QTRT2: variants seen among roughly 807,000 people sequenced by gnomAD.
QTRT2 encodes the protein queuine tRNA-ribosyltransferase domain containing 1.
QTRT2 carries 32 observed loss-of-function variants against 44.8 expected under a neutral mutation model. The observed-to-expected ratio is 0.71, with a 90% CI of 0.54 to 0.96. The LOEUF (loss-of-function observed/expected upper bound fraction) is 0.96, where lower values mean the gene tolerates loss of function less well. Ranked by LOEUF, QTRT2 falls within the 40% of genes least tolerant of loss-of-function variation. QTRT2 has a pLI of 0.00. For synonymous variants in QTRT2, 182 were observed against 187.4 expected, an observed-to-expected ratio of 0.97 and a Z score of 0.24; for missense variants, 461 against 503.1, an observed-to-expected ratio of 0.92 and a Z score of 0.80.
chr3:114,057,524 A>G (rs1006913491), intron 2 of QTRT2: 1 of 152,256 alleles, frequency 6.6e-6, no homozygotes, highest in South Asian at 2.1e-4. Context: ...AAATGAAGTT[A>G]GGGAAGCTAT....
chr3:114,066,572 G>A, intron 4 of QTRT2: 1 of 357,692 alleles, frequency 2.8e-6, no homozygotes, highest in Admixed American at 3.9e-5. Context: ...AGGCCAGAGG[G>A]CAGAGCATAT....
intron 2 of QTRT2, among the ~76,000 whole-genome samples, chr3:114,058,826 C>T (rs777679779): frequency 1.3e-5 from 2 of 152,150 alleles, no homozygotes; most frequent in African/African-American, 2.4e-5. Context: ...CCACCGTGCC[C>T]GGCCAGCGTT....
At chr3:114,069,718 G>A (rs757484861) in intron 5 of QTRT2, among the ~76,000 whole-genome samples, 13 of 152,288 alleles carry the variant, frequency 8.5e-5, no homozygotes, top group Non-Finnish European at 1.5e-4. Context: ...GCATGCATGT[G>A]TCCTTATGGC....
chr3:114,061,273 C>T (rs1188164206), intron 2 of QTRT2, among the ~76,000 whole-genome samples: 1 of 151,558 alleles, frequency 6.6e-6, no homozygotes, highest in Non-Finnish European at 1.5e-5. Flanking sequence ...TTGCTTTTTT[C>T]GATTCTCAGA....
Position 114,085,814 on chromosome 3 carries a change from C to T in QTRT2, c.1158C>T (p.His386=), listed in dbSNP as rs1184746025. The T allele has an allele frequency of 1.2e-6, 2 of 1,614,134 alleles. No individual in the cohort carries two copies. The change falls in exon 10 of 10, where the codon CAC becomes CAT. Residue 386 remains histidine, a synonymous_variant. Transcript: ENST00000281273. The part of the protein sequence containing the change: ...GVLLMMHNFE[H]YFGFFHYIRE... The stretch of plus-strand genomic sequence containing the variant: ...TGCTTATGATGCACAACTTTGAACA[C>T]TACTTTGGGTTTTTCCATTACATCC...
intron 3 of QTRT2, among the ~76,000 whole-genome samples, chr3:114,065,904 A>G (rs2076947410): frequency 1.3e-5 from 2 of 152,358 alleles, no homozygotes; most frequent in East Asian, 3.9e-4. Context: ...AAAGCCTACT[A>G]TATGACCAAT....
intron 1 of QTRT2, 34 bp from the exon 2 acceptor site, chr3:114,056,965 A>C (rs925987701): frequency 1.4e-6 from 2 of 1,468,072 alleles, no homozygotes; most frequent in South Asian, 1.4e-5. Flanking sequence ...CGGTGATTGT[A>C]CTCCCGCCAT....
chr3:114,078,530 G>A (rs533401206), intron 7 of QTRT2: 1 of 151,726 alleles, frequency 6.6e-6, no homozygotes, highest in Admixed American at 6.6e-5. Flanking sequence ...CAGCCAGCCA[G>A]CCCTGATTTA....
At position 114,070,770 on chromosome 3, in the gene QTRT2, G is replaced by T. The variant is rs746326125; in HGVS notation, c.478G>T (p.Val160Phe). ...SCKEATSIKR[V>F]RKSVDRSLLF... ...TAAGGAAGCAACTTCCATAAAAAGGGTCAGAAAGTCTGTTGACCGATCACT... is the reference window on the plus strand; with the variant it reads ...TAAGGAAGCAACTTCCATAAAAAGGTTCAGAAAGTCTGTTGACCGATCACT... The change falls in exon 6 of 10, where the codon GTC (valine) becomes TTC (phenylalanine). Residue 160 changes from valine to phenylalanine, a missense_variant. Physicochemically the swap from Val to Phe is conservative, Grantham distance 50. Coordinates refer to ENST00000281273, the MANE Select transcript of QTRT2 (RefSeq NM_024638.4). 2.4e-5 allele frequency: 38 copies of T among 1,614,008 alleles called. No homozygotes were observed. In the South Asian group the frequency reaches 4.1e-4, roughly 17 times the overall value.
At chr3:114,076,620 A>C (rs1163743766) in intron 6 of QTRT2, 123 bp from the exon 7 acceptor site, 1 of 833,882 alleles carries the variant, frequency 1.2e-6, no homozygotes, top group African/African-American at 1.7e-5. Flanking sequence ...CATCCCCTTT[A>C]ATGCTTCAAC....
chr3:114,082,083 G>T (rs1374716124), intron 8 of QTRT2, among the ~76,000 whole-genome samples: 1 of 152,010 alleles, frequency 6.6e-6, no homozygotes, highest in Admixed American at 6.6e-5. Context: ...TAGAGGGCCA[G>T]TGTCTCCATA....
chr3:114,058,518 C>T (rs1302430794), intron 2 of QTRT2, among the ~76,000 whole-genome samples: 1 of 152,134 alleles, frequency 6.6e-6, no homozygotes, highest in Admixed American at 6.5e-5. Flanking sequence ...TTACTGTTTT[C>T]TAGAATTGTA....
Position 114,086,006 on chromosome 3 carries a change from T to TCCAAATATAAATAA in QTRT2, c.*102_*103insCCAAATATAAATAA. 1 of 946,458 alleles carries TCCAAATATAAATAA rather than the reference T, an allele frequency of 1.1e-6. No homozygotes were observed. Among genetic ancestry groups the TCCAAATATAAATAA allele is most frequent in the Non-Finnish European group, 1.6e-6 (1 of 606,432 alleles). The allele number at this position is 946,458 out of a possible 1,614,324, so 58.6% of individuals were successfully genotyped here. ...ATAATCTGAGCTTTAATTATTTATA[T>TCCAAATATAAATAA]TTGGATATAAGGTCTGCTTAAATAA... is the stretch of plus-strand genomic sequence containing the variant. On this transcript the variant is annotated 3_prime_UTR_variant, in exon 10 of 10. Coordinates refer to ENST00000281273, the MANE Select transcript of QTRT2 (RefSeq NM_024638.4).
chr3:114,078,080 C>G (rs901599519), intron 7 of QTRT2: 2 of 152,192 alleles, frequency 1.3e-5, no homozygotes, highest in African/African-American at 4.8e-5. Context: ...TTTCACATGT[C>G]TACACTTGTG....
chr3:114,060,503 GA>G (rs1559946074), intron 2 of QTRT2, among the ~76,000 whole-genome samples: 5,449 of 72,084 alleles, frequency 0.076, 140 homozygotes, highest in Middle Eastern at 0.15. Flanking sequence ...TAGGTAGATA[GA>G]TAGATAGATA....
intron 9 of QTRT2, 68 bp from the exon 10 acceptor site, chr3:114,085,605 A>T: frequency 7.7e-7 from 1 of 1,297,608 alleles, no homozygotes; most frequent in Non-Finnish European, 1.1e-6. Context: ...CCAGCAGAAT[A>T]GATAGCTGAG....
Position 114,065,432 on chromosome 3 carries a change from A to G in QTRT2, c.175A>G (p.Met59Val). 2.5e-6 allele frequency: 4 copies of G among 1,613,958 alleles called. No homozygotes were observed. The highest frequency in any genetic ancestry group is 3.4e-6 in the Non-Finnish European group (4 of 1,179,936). The stretch of plus-strand genomic sequence containing the variant: ...GCATAATATCCACGGGGTTCCTGCC[A>G]TGGCTCAGCTTACGCTGTCATCCCT... ...TLHNIHGVPA[M>V]AQLTLSSLAE... Residue 59 changes from methionine to valine, a missense_variant, in exon 3 of 10, where the codon ATG (methionine) becomes GTG (valine). Transcript: ENST00000281273.
chr3:114,072,103 CTT>C (rs1040288299), intron 6 of QTRT2, among the ~76,000 whole-genome samples: 6 of 152,158 alleles, frequency 3.9e-5, no homozygotes, highest in South Asian at 2.1e-4. Flanking sequence ...TATATTCCCT[CTT>C]TTGTTTCCAC....
intron 9 of QTRT2, among the ~76,000 whole-genome samples, chr3:114,084,546 C>T (rs2077211480): frequency 6.6e-6 from 1 of 152,144 alleles, no homozygotes; most frequent in Admixed American, 6.5e-5. Context: ...TGTGCCACTG[C>T]ACTGCACTCC....
Sources: allele counts gnomAD v4.1 joint callset (sites outside exome capture counted in the v4.1 genomes callset), GRCh38; gene constraint gnomAD v4.1.1; transcripts MANE v1.5; gene names NCBI Gene and HGNC (gene_info 2026-07-23, HGNC 2026-07-21).